IGF2R: variants seen among roughly 807,000 people sequenced by gnomAD.
The protein encoded by IGF2R is cation-independent mannose-6-phosphate receptor.
IGF2R carries 91 observed loss-of-function variants against 270.6 expected under a neutral mutation model. The ratio of observed to expected loss-of-function variants is 0.34; its 90% CI spans 0.28 to 0.40. The LOEUF (loss-of-function observed/expected upper bound fraction) is 0.40. Among genes scored for constraint, IGF2R ranks in the 10% least tolerant of loss-of-function variants. The pLI is 1.00. For missense variants in IGF2R, 2,805 were observed against 3,188.3 expected, an observed-to-expected ratio of 0.88 and a Z score of 2.90; for synonymous variants, 1,316 against 1,258.9, an observed-to-expected ratio of 1.05 and a Z score of -0.96.
intron 2 of IGF2R, among the ~76,000 whole-genome samples, chr6:159,995,895 C>CTTT (rs35974914): frequency 7.1e-5 from 7 of 98,756 alleles, no homozygotes; most frequent in Middle Eastern, 7.6e-3. Flanking sequence ...TTGCAGCGCT[C>CTTT]TTTTTTTTTT....
intron 35 of IGF2R, 63 bp downstream of exon 35, chr6:160,074,038 G>A (rs887918224): frequency 2.7e-5 from 33 of 1,202,598 alleles, no homozygotes; most frequent in South Asian, 1.5e-4. Context: ...TAACCTTTGC[G>A]TTGTTTCTTG....
chr6:160,012,745 T>TTATTTATATATATATATATA (rs1784353797), intron 4 of IGF2R, among the ~76,000 whole-genome samples: 1 of 105,310 alleles, frequency 9.5e-6, no homozygotes, highest in African/African-American at 3.4e-5. Flanking sequence ...CCCGGCTAAT[T>TTATTTATATATATATATATA]TATATATATA....
chr6:160,095,173 G>A (rs1640286227), intron 44 of IGF2R: 2 of 152,158 alleles, frequency 1.3e-5, no homozygotes, highest in Admixed American at 6.5e-5. Context: ...TATTCAAAAA[G>A]TAGCAATATG....
chr6:160,088,058 C>T lies in IGF2R; in HGVS notation c.6231C>T (p.Ser2077=), dbSNP rs1378888446. Residue 2077 remains serine (S), a synonymous_variant, in exon 42 of 48, where the codon TCC becomes TCT. Transcript: ENST00000356956. ...VIGDKVVVTY[S]KGYPCGGNKT... Reference sequence around the variant, plus strand: ...GTGACAAAGTTGTTGTCACGTACTCCAAAGGTTATCCGTGTGGTGGAAATA... The same window carrying T: ...GTGACAAAGTTGTTGTCACGTACTCTAAAGGTTATCCGTGTGGTGGAAATA... 6 of 1,613,014 alleles carry T rather than the reference C, an allele frequency of 3.7e-6. No homozygotes were observed. The highest frequency in any genetic ancestry group is 5.1e-6 in the Non-Finnish European group (6 of 1,178,944).
In IGF2R at chr6:159,998,523, GA is replaced by G. The variant is rs1301940307; in HGVS notation, c.289+7202del. On this transcript the variant is annotated intron_variant, in intron 2 of 47. Coordinates refer to ENST00000356956, the MANE Select transcript of IGF2R (RefSeq NM_000876.4). The surrounding 1 kb of genome is among the most constrained non-coding windows in gnomAD (Gnocchi z 4.1). Reference sequence around the variant, plus strand: ...GTGTTTTTAGGAAGCTGGCCCCGTGGAATAGGAAACGATGCCTACAGGGGAG... The same window carrying G: ...GTGTTTTTAGGAAGCTGGCCCCGTGGATAGGAAACGATGCCTACAGGGGAG... Among the ~76,000 whole-genome samples, 1 of 152,172 alleles carries G rather than the reference GA, an allele frequency of 6.6e-6. No homozygotes were observed. The highest frequency in any genetic ancestry group is 1.5e-5 in the Non-Finnish European group (1 of 68,024).
chr6:160,008,856 A>G (rs922220981), intron 2 of IGF2R, among the ~76,000 whole-genome samples, 154 bp from the exon 3 acceptor site: 2 of 152,120 alleles, frequency 1.3e-5, no homozygotes, highest in African/African-American at 4.8e-5. Context: ...TGGGGATGCC[A>G]CTCTGAGATG....
chr6:160,001,596 C>T lies in IGF2R; in HGVS notation c.290-7414C>T, dbSNP rs1784130850. ...TGCCAACAAGGTTGGGGGCTGCTGC[C>T]CTAAAATTTTTTATAGTGAGAAACA... On this transcript the variant is annotated intron_variant, in intron 2 of 47. Coordinates refer to ENST00000356956, the MANE Select transcript of IGF2R (RefSeq NM_000876.4). 2.6e-5 allele frequency among the ~76,000 whole-genome samples: 4 copies of T among 151,958 alleles called. No homozygotes were observed. In the South Asian group the frequency reaches 8.3e-4, roughly 32 times the overall value.
At chr6:160,091,623 C>A (rs530968689) in intron 44 of IGF2R, among the ~76,000 whole-genome samples, 132 of 152,366 alleles carry the variant, frequency 8.7e-4, no homozygotes, top group African/African-American at 2.9e-3. Flanking sequence ...AACTCCACAG[C>A]ACGGAGCTAG....
intron 44 of IGF2R, chr6:160,093,596 G>A (rs1779280174): frequency 4.4e-6 from 3 of 689,146 alleles, no homozygotes; most frequent in Non-Finnish European, 8.2e-6. Context: ...CCCAGTGGGG[G>A]ACTGGATCAT....
At chr6:160,044,012 G>A (rs1455286326) in intron 12 of IGF2R, among the ~76,000 whole-genome samples, 2 of 152,170 alleles carry the variant, frequency 1.3e-5, no homozygotes, top group Non-Finnish European at 2.9e-5. Context: ...ATAACAAAAA[G>A]CAAGTGAACT....
Position 160,063,559 on chromosome 6 carries a change from C to T in IGF2R, c.3815C>T (p.Thr1272Ile), listed in dbSNP as rs761265344. 2 of 1,614,232 alleles carry T rather than the reference C, an allele frequency of 1.2e-6. No individual in the cohort carries two copies. Among genetic ancestry groups the T allele is most frequent in the East Asian group, 2.2e-5 (1 of 44,888 alleles). ...AAGCTTTCCTCAGACGTCTGCCCCA[C>T]AAGTGACAAGTCCAAGGTGGTCTCC... ...CGKLSSDVCP[T>I]SDKSKVVSSC... The change falls in exon 27 of 48, where the codon ACA becomes ATA. Residue 1272 changes from threonine to isoleucine, a missense_variant. Physicochemically the swap from Thr to Ile is moderately conservative, Grantham distance 89. Transcript: ENST00000356956.
At chr6:159,970,250 T>G (rs983273987) in intron 1 of IGF2R, among the ~76,000 whole-genome samples, 1 of 152,204 alleles carries the variant, frequency 6.6e-6, no homozygotes, top group Non-Finnish European at 1.5e-5. Flanking sequence ...CTGGACTGTT[T>G]AGGATGATGG....
chr6:159,995,895 CT>C (rs35974914), intron 2 of IGF2R, among the ~76,000 whole-genome samples: 35,671 of 98,740 alleles, frequency 0.36, 5,179 homozygotes, highest in East Asian at 0.58. Context: ...TTGCAGCGCT[CT>C]TTTTTTTTTT....
Position 160,047,922 on chromosome 6 carries a change from G to A in IGF2R, c.2345+15G>A. On this transcript the variant is annotated intron_variant, in intron 17 of 47. Coordinates refer to ENST00000356956, the MANE Select transcript of IGF2R (RefSeq NM_000876.4). ...GACCTCTCCAGGTGAGGCAGAGTCA[G>A]CTGCTCTGTTTTTGGCCTGGTACAG... 5.9e-6 allele frequency: 9 copies of A among 1,537,534 alleles called. No individual in the cohort carries two copies. The highest frequency in any genetic ancestry group is 8.1e-6 in the Non-Finnish European group (9 of 1,110,240).
chr6:159,970,510 A>G (rs1783593849), intron 1 of IGF2R, among the ~76,000 whole-genome samples: 1 of 152,158 alleles, frequency 6.6e-6, no homozygotes, highest in Non-Finnish European at 1.5e-5. Flanking sequence ...TGTTCAGAAC[A>G]TGCAGAAATT....
chr6:160,021,773 A>G (rs1777443430), intron 4 of IGF2R, among the ~76,000 whole-genome samples: 1 of 152,180 alleles, frequency 6.6e-6, no homozygotes, highest in African/African-American at 2.4e-5. Flanking sequence ...ACACTTATAC[A>G]CCATTGGTGG....
At chr6:160,006,803 C>T (rs146066931) in intron 2 of IGF2R, 9 of 152,216 alleles carry the variant, frequency 5.9e-5, no homozygotes, top group East Asian at 5.8e-4. Flanking sequence ...TATAATGTAG[C>T]GAGCACTGTT....
At chr6:160,013,356 C>T (rs1276067081) in intron 4 of IGF2R, among the ~76,000 whole-genome samples, 2 of 139,642 alleles carry the variant, frequency 1.4e-5, no homozygotes, top group Admixed American at 1.6e-4. Context: ...GAATATGCCA[C>T]AGAGACCTAT....
chr6:160,029,692 C>T (rs1273550299), intron 7 of IGF2R, 37 bp downstream of exon 7: 1 of 1,477,228 alleles, frequency 6.8e-7, no homozygotes, highest in Non-Finnish European at 9.5e-7. Flanking sequence ...ATGTGGCGCA[C>T]AGTAGCCTGG....
Sources: allele counts gnomAD v4.1 joint callset (sites outside exome capture counted in the v4.1 genomes callset), GRCh38; gene constraint gnomAD v4.1.1; non-coding constraint Gnocchi (gnomAD v3.1); transcripts MANE v1.5; gene names NCBI Gene and HGNC (gene_info 2026-07-23, HGNC 2026-07-21).